RP1L1: variants seen among roughly 807,000 people sequenced by gnomAD.
RP1L1 encodes retinitis pigmentosa 1-like 1 protein.
In RP1L1, 27 loss-of-function variants were observed where a neutral mutation model predicts 15.7. That is an observed-to-expected ratio of 1.72 (90% CI 1.27 to 2.38). The LOEUF (loss-of-function observed/expected upper bound fraction) is 2.38. Ranked by LOEUF, RP1L1 falls within the 30% of genes most tolerant of loss-of-function variation. RP1L1 has a pLI of 0.00. For synonymous variants in RP1L1, 1,813 were observed against 1,276.7 expected (o/e 1.42, Z -8.96); for missense variants, 4,798 against 3,075.9 (o/e 1.56, Z -13.24).
At chr8:10,649,697 G>A (rs893316794) in intron 1 of RP1L1, among the ~76,000 whole-genome samples, 2 of 152,156 alleles carry the variant, frequency 1.3e-5, no homozygotes, top group African/African-American at 4.8e-5. Context: ...TGGACAACAT[G>A]GTGAAACCCC....
chr8:10,617,517 T>G (rs1484652415), intron 2 of RP1L1, among the ~76,000 whole-genome samples: 2 of 150,094 alleles, frequency 1.3e-5, no homozygotes, highest in Non-Finnish European at 3.0e-5. Flanking sequence ...GAAGTTTGTT[T>G]TTGTTTTTGT....
At chr8:10,651,998 A>G (rs574336443) in intron 1 of RP1L1, among the ~76,000 whole-genome samples, 33 of 152,124 alleles carry the variant, frequency 2.2e-4, no homozygotes, top group South Asian at 8.3e-4. Flanking sequence ...GATATTTCAC[A>G]TTGTGCTGCA....
chr8:10,651,180 G>T (rs1315770433), intron 1 of RP1L1, among the ~76,000 whole-genome samples: 1 of 152,222 alleles, frequency 6.6e-6, no homozygotes, highest in Non-Finnish European at 1.5e-5. Context: ...GGTTCTCACA[G>T]TGTAGGTCTT....
In RP1L1 at chr8:10,611,432, T is replaced by C; in HGVS notation, c.2666A>G (p.Gln889Arg). ...STARGPGGSP[Q>R]EGTRQPGPTP... Reference sequence around the variant, plus strand: ...GGGGCCTGGCTGGCGTGTCCCCTCCTGCGGGCTCCCACCTGGCCCCCGGGC... The same window carrying C: ...GGGGCCTGGCTGGCGTGTCCCCTCCCGCGGGCTCCCACCTGGCCCCCGGGC... Residue 889 changes from glutamine (Q) to arginine (R), a missense_variant, in exon 4 of 4, where the codon CAG (glutamine) becomes CGG (arginine). By Grantham distance (43) the Gln-to-Arg change is conservative. Transcript: ENST00000382483. 1 of 1,578,476 alleles carries C rather than the reference T, an allele frequency of 6.3e-7. No homozygotes were observed. Among genetic ancestry groups the C allele is most frequent in the Non-Finnish European group, 8.6e-7 (1 of 1,164,490 alleles).
intron 1 of RP1L1, among the ~76,000 whole-genome samples, chr8:10,626,783 A>T (rs1295372509): frequency 1.3e-5 from 2 of 152,228 alleles, no homozygotes; most frequent in Non-Finnish European, 2.9e-5. Context: ...AGCGAAGCAC[A>T]AATTGCTCAC....
Position 10,607,955 on chromosome 8 carries a change from G to C in RP1L1, c.6143C>G (p.Ala2048Gly). 1 of 1,610,426 alleles carries C rather than the reference G, an allele frequency of 6.2e-7. No homozygotes were observed. The highest frequency in any genetic ancestry group is 8.5e-7 in the Non-Finnish European group (1 of 1,179,038). Residue 2048 changes from alanine (A) to glycine (G), a missense_variant, in exon 4 of 4, where the codon GCC becomes GGC. Transcript: ENST00000382483. ...EGETQKTEGD[A>G]QPESDGVEAP... ...CTCTACACCGTCTGACTCTGGCTGG[G>C]CATCCCCTTCTGTCTTCTGGGTCTC...
chr8:10,624,523 G>C (rs1474343232), intron 1 of RP1L1, among the ~76,000 whole-genome samples: 1 of 152,220 alleles, frequency 6.6e-6, no homozygotes, highest in Non-Finnish European at 1.5e-5. Context: ...TTAGGGATTA[G>C]CCTCTCTGGC....
In RP1L1 at chr8:10,609,658, C is replaced by T. The variant is rs76720252; in HGVS notation, c.4440G>A (p.Pro1480=). 7.5e-3 allele frequency: 12,106 copies of T among 1,610,856 alleles called. 316 individuals are homozygous for T. The African/African-American group carries it at 0.083, about 11-fold the overall frequency. Residue 1480 remains proline (P), a synonymous_variant, in exon 4 of 4, where the codon CCG becomes CCA. Coordinates refer to ENST00000382483, the MANE Select transcript of RP1L1 (RefSeq NM_178857.6). ...CTTGGCCCATCATGGTGGCTCCGGG[C>T]GGCTTTTCCAAACCAGGCTCAAGCT... ...GSQLEPGLEK[P]PGATMMGQEH... is the part of the protein sequence containing the mutation.
chr8:10,641,887 C>T (rs1237113249), intron 1 of RP1L1, among the ~76,000 whole-genome samples: 3 of 152,154 alleles, frequency 2.0e-5, no homozygotes, highest in Non-Finnish European at 4.4e-5. Context: ...AAAATGACAA[C>T]ATTATAGAAA....
intron 1 of RP1L1, among the ~76,000 whole-genome samples, chr8:10,625,447 G>C (rs910224689): frequency 1.3e-5 from 2 of 151,814 alleles, no homozygotes; most frequent in East Asian, 2.0e-4. Flanking sequence ...GGGTGCGTGT[G>C]GGGTGTGGTC....
rs1384447645 is a variant in RP1L1, at chr8:10,622,811, C to T, written c.391G>A (p.Asp131Asn). The T allele has an allele frequency of 7.4e-6, 12 of 1,613,686 alleles. No individual in the cohort carries two copies. Among genetic ancestry groups the T allele is most frequent in the Non-Finnish European group, 1.0e-5 (12 of 1,179,860 alleles). The part of the protein sequence containing the change: ...ERNPTAQQLR[D>N]VEGQREAPGT... ...GGGGCTTCACGCTGGCCTTCGACAT[C>T]CCGCAACTGCTGAGCAGTGGGGTTT... Residue 131 changes from aspartate to asparagine, a missense_variant, in exon 2 of 4, where the codon GAT becomes AAT. Coordinates refer to ENST00000382483, the MANE Select transcript of RP1L1 (RefSeq NM_178857.6).
chr8:10,647,452 T>C (rs187077364), intron 1 of RP1L1, among the ~76,000 whole-genome samples: 8 of 152,300 alleles, frequency 5.3e-5, no homozygotes, highest in African/African-American at 1.9e-4. Context: ...AACTCTATCA[T>C]CCTGGGTTGA....
intron 2 of RP1L1, among the ~76,000 whole-genome samples, chr8:10,618,666 T>C (rs1341923081): frequency 6.6e-6 from 1 of 152,098 alleles, no homozygotes; most frequent in African/African-American, 2.4e-5. Flanking sequence ...CACTCCAAAC[T>C]GGGCAACAGA....
intron 1 of RP1L1, among the ~76,000 whole-genome samples, chr8:10,636,803 A>G (rs1386377722): frequency 6.6e-6 from 1 of 152,182 alleles, no homozygotes; most frequent in Non-Finnish European, 1.5e-5. Flanking sequence ...GCAGCAGATC[A>G]GAACCGACTC....
chr8:10,616,824 G>A lies in RP1L1; in HGVS notation c.610-237C>T, dbSNP rs184556483. ...TCTAGCTATACCCCTCCCTCCACCA[G>A]GCGTGAGGCCCGTGATCAAAGGGCA... On this transcript the variant is annotated intron_variant, in intron 2 of 3. Coordinates refer to ENST00000382483, the MANE Select transcript of RP1L1 (RefSeq NM_178857.6). Among the ~76,000 whole-genome samples the A allele has an allele frequency of 2.0e-5, 3 of 152,308 alleles. No homozygotes were observed. The East Asian group carries it at 5.8e-4, about 29-fold the overall frequency.
rs1162668633 is a variant in RP1L1 at position 10,613,171 on chromosome 8, C to T, written c.927G>A (p.Met309Ile). Reference sequence around the variant, plus strand: ...CCTCATTCATGCGGACCTTCTTCTTCATGTCATCGCCAGCCACCAGCGGGC... The same window carrying T: ...CCTCATTCATGCGGACCTTCTTCTTTATGTCATCGCCAGCCACCAGCGGGC... Reference protein sequence around the residue: ...QSGPLVAGDDMKKKVRMNEDG... With the variant: ...QSGPLVAGDDIKKKVRMNEDG... The change falls in exon 4 of 4, where the codon ATG (methionine) becomes ATA (isoleucine). Residue 309 changes from methionine to isoleucine, a missense_variant. Transcript: ENST00000382483. The T allele has an allele frequency of 6.2e-7, 1 of 1,613,776 alleles. No individual in the cohort carries two copies. The highest frequency in any genetic ancestry group is 2.2e-5 in the East Asian group (1 of 44,874).
At chr8:10,628,111 A>T (rs1374904722) in intron 1 of RP1L1, among the ~76,000 whole-genome samples, 1 of 152,236 alleles carries the variant, frequency 6.6e-6, no homozygotes, top group Non-Finnish European at 1.5e-5. Flanking sequence ...CATGAGCCCA[A>T]CTAGGCTCTG....
rs201270988 is a variant in RP1L1 at position 10,612,375 on chromosome 8, C to A, written c.1723G>T (p.Ala575Ser). 7.4e-6 allele frequency: 12 copies of A among 1,612,908 alleles called. No homozygotes were observed. The highest frequency in any genetic ancestry group is 9.3e-6 in the Non-Finnish European group (11 of 1,180,028). ...QQEASEGGDP[A>S]SPALSLSSLR... ...GATGAAAGACTCAGGGCTGGAGAAG[C>A]GGGGTCGCCTCCCTCGCTGGCCTCC... Residue 575 changes from alanine to serine, a missense_variant, in exon 4 of 4, where the codon GCT (alanine) becomes TCT (serine). Transcript: ENST00000382483.
At chr8:10,615,832 G>C (rs550345817) in intron 3 of RP1L1, among the ~76,000 whole-genome samples, 1 of 152,208 alleles carries the variant, frequency 6.6e-6, no homozygotes. Flanking sequence ...GTGAGCCTCT[G>C]TGCCTGTGGC....
Sources: gnomAD v4.1 joint callset for allele counts (sites outside exome capture counted in the v4.1 genomes callset) on GRCh38, gnomAD v4.1.1 for gene constraint, MANE v1.5 for transcripts, NCBI Gene and HGNC (gene_info 2026-07-23, HGNC 2026-07-21) for gene names.